RAF1: variants seen among roughly 807,000 people sequenced by gnomAD.
RAF1 encodes the protein Raf-1 proto-oncogene, serine/threonine kinase.
A neutral mutation model predicts 81.1 loss-of-function variants in RAF1; 27 were observed. The observed-to-expected ratio is 0.33, with a 90% CI of 0.25 to 0.46. The LOEUF (loss-of-function observed/expected upper bound fraction) is 0.46. Among genes scored for constraint, RAF1 ranks in the 20% least tolerant of loss-of-function variants. The pLI, the probability that RAF1 is intolerant of heterozygous loss-of-function variation, is 1.00. For synonymous variants in RAF1, 298 were observed against 294.0 expected (o/e 1.01, Z -0.14); for missense variants, 598 against 826.0 (o/e 0.72, Z 3.38).
intron 14 of RAF1, chr3:12,586,760 C>A (rs115244785): frequency 6.6e-6 from 1 of 152,310 alleles, no homozygotes; most frequent in African/African-American, 2.4e-5. Context: ...ATTTACTCTT[C>A]TATAAAAACA....
intron 2 of RAF1, among the ~76,000 whole-genome samples, chr3:12,617,103 G>A (rs1019290120): frequency 2.0e-5 from 3 of 151,640 alleles, no homozygotes; most frequent in African/African-American, 4.8e-5. Context: ...CACCACGCCC[G>A]GCTACATTTT....
exon 1 of RAF1, chr3:12,664,104 AAGCGCCCGCGATTAAGAC>A (rs2060974730): frequency 2.5e-6 from 1 of 398,200 alleles, no homozygotes; most frequent in South Asian, 1.3e-4. Flanking sequence ...ATGGCGGCCC[AAGCGCCCGCGATTAAGAC>A]TCTCGGGCGG....
At chr3:12,606,332 G>T in intron 5 of RAF1, 33 bp from the exon 6 acceptor site, 1 of 1,496,046 alleles carries the variant, frequency 6.7e-7, no homozygotes, top group Non-Finnish European at 9.3e-7. Flanking sequence ...TGGTTTTTAG[G>T]CTTGCAGTAA....
intron 1 of RAF1, among the ~76,000 whole-genome samples, chr3:12,645,196 C>G (rs2060309221): frequency 6.6e-6 from 1 of 151,692 alleles, no homozygotes; most frequent in African/African-American, 2.4e-5. Flanking sequence ...TTAGATCTAC[C>G]TAAAACCTAA....
chr3:12,618,390 G>GA (rs976359844), intron 2 of RAF1, 125 bp downstream of exon 2: 17,566 of 753,690 alleles, frequency 0.023, 1 homozygote, highest in Middle Eastern at 0.028. Flanking sequence ...TCTGCAGTTA[G>GA]AAAAAAAAAA....
chr3:12,612,034 T>C lies in RAF1; in HGVS notation c.236A>G (p.His79Arg), dbSNP rs1387880716. Residue 79 changes from histidine (H) to arginine (R), a missense_variant, in exon 3 of 18, where the codon CAT becomes CGT. Physicochemically the swap from His to Arg is conservative, Grantham distance 29. Around this residue, in one of 5 missense-constraint regions of RAF1, gnomAD observed 89 missense variants for 169.2 expected, o/e 0.53. Coordinates refer to ENST00000442415, the MANE Select transcript of RAF1 (RefSeq NM_001354689.3). ...CTTGAGTGCTTTCATAAGGCAGTCA[T>C]GCAAGCTCATTCCATTTCGCACATT... 3.1e-6 allele frequency: 5 copies of C among 1,614,146 alleles called. No individual in the cohort carries two copies. Among genetic ancestry groups the C allele is most frequent in the Non-Finnish European group, 4.2e-6 (5 of 1,180,014 alleles).
chr3:12,598,857 A>ATC (rs1160511197), intron 11 of RAF1, among the ~76,000 whole-genome samples: 3 of 150,946 alleles, frequency 2.0e-5, no homozygotes, highest in Non-Finnish European at 2.9e-5. Context: ...TTGCACATTT[A>ATC]TCTCTAAAGA....
intron 1 of RAF1, among the ~76,000 whole-genome samples, chr3:12,654,400 G>A (rs969167220): frequency 3.3e-5 from 5 of 152,014 alleles, no homozygotes; most frequent in East Asian, 2.0e-4. Flanking sequence ...TCAGCACTTC[G>A]ACATCAGCCT....
At chr3:12,663,317 G>A (rs187844587) in intron 1 of RAF1, among the ~76,000 whole-genome samples, 1 of 152,288 alleles carries the variant, frequency 6.6e-6, no homozygotes, top group East Asian at 1.9e-4. Flanking sequence ...TACCCAAGAA[G>A]AGGCCCCTGT....
intron 1 of RAF1, among the ~76,000 whole-genome samples, chr3:12,642,314 AAAC>A (rs2060212978): frequency 6.8e-6 from 1 of 147,744 alleles, no homozygotes; most frequent in African/African-American, 2.5e-5. Context: ...AAACCCCAAA[AAAC>A]AAAAAAACAA....
intron 1 of RAF1, among the ~76,000 whole-genome samples, chr3:12,646,705 C>T (rs2060359271): frequency 6.6e-6 from 1 of 152,024 alleles, no homozygotes; most frequent in African/African-American, 2.4e-5. Flanking sequence ...CACACACCAC[C>T]ACACCCGGCT....
At chr3:12,592,163 G>C (rs2058536731) in intron 11 of RAF1, 1 of 350,708 alleles carries the variant, frequency 2.9e-6, no homozygotes, top group Admixed American at 3.9e-5. Context: ...CACCAACCCT[G>C]GCAAGCCACA....
At chr3:12,636,858 G>A (rs1017397799) in intron 1 of RAF1, among the ~76,000 whole-genome samples, 4 of 151,924 alleles carry the variant, frequency 2.6e-5, no homozygotes, top group African/African-American at 4.8e-5. Context: ...GAACAGCAGC[G>A]GCAACAACAG....
At chr3:12,636,076 A>G (rs188126282) in intron 1 of RAF1, among the ~76,000 whole-genome samples, 58 of 151,856 alleles carry the variant, frequency 3.8e-4, no homozygotes, top group African/African-American at 1.4e-3. Flanking sequence ...ACTTGAGGTC[A>G]GGGGTTCCAG....
chr3:12,611,311 G>A (rs999376521), intron 3 of RAF1, among the ~76,000 whole-genome samples: 1 of 151,904 alleles, frequency 6.6e-6, no homozygotes, highest in African/African-American at 2.4e-5. Flanking sequence ...TCAAGCCCCT[G>A]GGGTCATGCA....
At chr3:12,622,348 C>T (rs2059580358) in intron 1 of RAF1, among the ~76,000 whole-genome samples, 1 of 152,218 alleles carries the variant, frequency 6.6e-6, no homozygotes, top group South Asian at 2.1e-4. Flanking sequence ...TAAAATGCAA[C>T]TCATTGTGTC....
In RAF1 at chr3:12,650,586, G is replaced by A. The variant is rs5746161; in HGVS notation, c.-27+13227C>T. Among the ~76,000 whole-genome samples the A allele has an allele frequency of 8.3e-4, 126 of 152,106 alleles. 2 individuals are homozygous for A. In the South Asian group the frequency reaches 0.018, roughly 21 times the overall value. ...ACTGTAACCCAGCATGGAATGAAAG[G>A]AAAAAAAGAATAAAGAGCACCATTC... On this transcript the variant is annotated intron_variant, in intron 1 of 17. Coordinates refer to ENST00000442415, the MANE Select transcript of RAF1 (RefSeq NM_001354689.3).
chr3:12,629,926 G>A (rs1214710509), intron 1 of RAF1, among the ~76,000 whole-genome samples: 1 of 152,106 alleles, frequency 6.6e-6, no homozygotes, highest in Non-Finnish European at 1.5e-5. Context: ...GGGACTACAG[G>A]TGCACACCAC....
At chr3:12,605,650 T>C (rs1220501909) in intron 6 of RAF1, among the ~76,000 whole-genome samples, 2 of 152,130 alleles carry the variant, frequency 1.3e-5, no homozygotes, top group Non-Finnish European at 2.9e-5. Context: ...GAGCAGTAGA[T>C]AAACGCAACA....
Sources: gnomAD v4.1 joint callset for allele counts (sites outside exome capture counted in the v4.1 genomes callset) on GRCh38, gnomAD v4.1.1 for gene constraint, gnomAD v4.1.1 regional missense constraint, MANE v1.5 for transcripts, NCBI Gene and HGNC (gene_info 2026-07-23, HGNC 2026-07-21) for gene names.